Variants in NUMB observed in about 807,000 individuals in gnomAD.
The protein encoded by NUMB is protein numb homolog.
A neutral mutation model predicts 59.7 loss-of-function variants in NUMB; 29 were observed. That is an observed-to-expected ratio of 0.49 (90% confidence interval 0.36 to 0.66). The LOEUF (loss-of-function observed/expected upper bound fraction) is 0.66. Ranked by LOEUF, NUMB falls within the 30% of genes least tolerant of loss-of-function variation. The pLI is 0.00. For synonymous variants in NUMB, 288 were observed against 288.2 expected (o/e 1.00, Z 0.01); for missense variants, 723 against 822.0 (o/e 0.88, Z 1.47).
At chr14:73,320,886 A>G (rs74488577) in intron 5 of NUMB, among the ~76,000 whole-genome samples, 1 of 151,728 alleles carries the variant, frequency 6.6e-6, no homozygotes, top group Non-Finnish European at 1.5e-5. Context: ...AAAAAGGTAA[A>G]ATAAAACAAA....
chr14:73,437,836 CATCCCTAGATTCCACATAAGGATCAGGG>C (rs1898122428), intron 1 of NUMB, among the ~76,000 whole-genome samples: 1 of 152,178 alleles, frequency 6.6e-6, no homozygotes, highest in Non-Finnish European at 1.5e-5. Context: ...GAATATTATT[CATCCCTAGATTCCACATAAGGATCAGGG>C]ATCACCCAAA....
chr14:73,346,461 C>T (rs1200466799), intron 4 of NUMB, among the ~76,000 whole-genome samples: 2 of 140,332 alleles, frequency 1.4e-5, no homozygotes, highest in Non-Finnish European at 3.0e-5. Context: ...GCCTGGGCAA[C>T]AAGAGTGAAA....
chr14:73,420,250 G>GTTGTCGTCT (rs1449439078), intron 1 of NUMB, among the ~76,000 whole-genome samples: 1 of 152,202 alleles, frequency 6.6e-6, no homozygotes, highest in East Asian at 1.9e-4. Flanking sequence ...TGCAAGACAC[G>GTTGTCGTCT]TTGTCGTCTG....
intron 3 of NUMB, among the ~76,000 whole-genome samples, chr14:73,364,620 A>C (rs1894250753): frequency 6.6e-6 from 1 of 152,166 alleles, no homozygotes; most frequent in African/African-American, 2.4e-5. Context: ...ATTAAGTGCA[A>C]CATAAGAATG....
intron 11 of NUMB, among the ~76,000 whole-genome samples, chr14:73,280,428 G>C (rs1888542197): frequency 1.3e-5 from 2 of 150,700 alleles, no homozygotes; most frequent in South Asian, 2.1e-4. Context: ...GTAACTCACA[G>C]AACATTTTTT....
In NUMB at chr14:73,283,923, C is replaced by T. The variant is rs1306396255; in HGVS notation, c.949+158G>A. ...TGGATTCACATCCCCCTCCACGGAC[C>T]TTAGTTTTCCCACTATGGGAAATGA... is the stretch of plus-strand genomic sequence containing the variant. On this transcript the variant is annotated intron_variant, in intron 10 of 12. Transcript: ENST00000555238. Among the ~76,000 whole-genome samples the T allele has an allele frequency of 3.9e-5, 6 of 152,176 alleles. No homozygotes were observed. In the East Asian group the frequency reaches 1.2e-3, roughly 29 times the overall value.
At chr14:73,409,336 C>T (rs1018567382) in intron 2 of NUMB, 1 of 152,260 alleles carries the variant, frequency 6.6e-6, no homozygotes, top group Admixed American at 6.5e-5. Flanking sequence ...TCTCTCGGAA[C>T]CCAGGCACCA....
intron 4 of NUMB, among the ~76,000 whole-genome samples, chr14:73,329,379 T>C (rs1240007158): frequency 1.3e-5 from 2 of 152,204 alleles, no homozygotes; most frequent in African/African-American, 2.4e-5. Flanking sequence ...CACTAGTGTG[T>C]GTCATATATA....
intron 4 of NUMB, among the ~76,000 whole-genome samples, chr14:73,354,827 CA>C (rs10668811): frequency 2.7e-4 from 22 of 82,264 alleles, no homozygotes; most frequent in Admixed American, 3.4e-4. Context: ...GACTGTGCCT[CA>C]AAAAAAAAAA....
At chr14:73,348,142 C>T (rs1015269501) in intron 4 of NUMB, among the ~76,000 whole-genome samples, 3 of 152,160 alleles carry the variant, frequency 2.0e-5, no homozygotes, top group African/African-American at 7.2e-5. Flanking sequence ...CAGAATGAGG[C>T]ATCTTTTGCC....
At chr14:73,413,177 C>T (rs1896971043) in intron 1 of NUMB, among the ~76,000 whole-genome samples, 1 of 151,382 alleles carries the variant, frequency 6.6e-6, no homozygotes, top group Admixed American at 6.6e-5. Context: ...CTCTGCCTCC[C>T]CTGGGTTAAA....
At chr14:73,349,166 C>T (rs1162077734) in intron 4 of NUMB, among the ~76,000 whole-genome samples, 1 of 152,248 alleles carries the variant, frequency 6.6e-6, no homozygotes, top group Non-Finnish European at 1.5e-5. Flanking sequence ...TGGAACCAGG[C>T]ACTCTGGCTC....
In NUMB at chr14:73,429,349, G is replaced by A. The variant is rs1215937962; in HGVS notation, c.-232-19281C>T. Among the ~76,000 whole-genome samples the A allele has an allele frequency of 3.3e-5, 5 of 152,102 alleles. No homozygotes were observed. In the South Asian group the frequency reaches 1.0e-3, roughly 31 times the overall value. ...ATCACGCCACTGCACTCCAGCCTGG[G>A]TGACAGAGCGAGACTCCATCTCAAA... On this transcript the variant is annotated intron_variant, in intron 1 of 12. Coordinates refer to ENST00000555238, the MANE Select transcript of NUMB (RefSeq NM_001005743.2).
chr14:73,288,543 C>T (rs1355956839), intron 8 of NUMB, among the ~76,000 whole-genome samples: 1 of 151,054 alleles, frequency 6.6e-6, no homozygotes, highest in Non-Finnish European at 1.5e-5. Context: ...AAGAGCAAAA[C>T]TCCGTCTCAA....
chr14:73,442,270 G>A (rs537158063), intron 1 of NUMB, among the ~76,000 whole-genome samples: 1 of 151,710 alleles, frequency 6.6e-6, no homozygotes, highest in Non-Finnish European at 1.5e-5. Context: ...GCTACTCAGA[G>A]GCTGAGGTGG....
At chr14:73,390,333 T>C (rs1021235035) in intron 2 of NUMB, among the ~76,000 whole-genome samples, 1 of 152,216 alleles carries the variant, frequency 6.6e-6, no homozygotes, top group Admixed American at 6.5e-5. Flanking sequence ...AGGGCAAATG[T>C]AGTTTGAAAA....
chr14:73,391,865 C>CA (rs1485128308), intron 2 of NUMB, among the ~76,000 whole-genome samples: 15 of 152,194 alleles, frequency 9.9e-5, no homozygotes, highest in African/African-American at 3.6e-4. Context: ...GGGTTCTACT[C>CA]AAATACTTTA....
intron 2 of NUMB, among the ~76,000 whole-genome samples, chr14:73,384,160 T>C (rs1444080960): frequency 6.6e-6 from 1 of 151,972 alleles, no homozygotes; most frequent in African/African-American, 2.4e-5. Flanking sequence ...AAATTTCTTT[T>C]TTTTTTTTTG....
In NUMB at chr14:73,349,357, G is replaced by C. The variant is rs143068510; in HGVS notation, c.126+6269C>G. ...AATCCTAGCACTTTGGGAGGCCAAG[G>C]TGGGCGGATCATCTGAGGTCAGGAG... On this transcript the variant is annotated intron_variant, in intron 4 of 12. Transcript: ENST00000555238. Among the ~76,000 whole-genome samples the C allele has an allele frequency of 8.2e-3, 1,247 of 151,344 alleles. 9 individuals are homozygous for C. The highest frequency in any genetic ancestry group is 0.041 in the Middle Eastern group (12 of 290).
Sources: allele counts gnomAD v4.1 joint callset (sites outside exome capture counted in the v4.1 genomes callset), GRCh38; gene constraint gnomAD v4.1.1; transcripts MANE v1.5; gene names NCBI Gene and HGNC (gene_info 2026-07-23, HGNC 2026-07-21).